PRKACB: variants seen among roughly 807,000 people sequenced by gnomAD.
PRKACB encodes cAMP-dependent protein kinase catalytic subunit beta.
PRKACB carries 16 observed loss-of-function variants against 51.4 expected under a neutral mutation model. The ratio of observed to expected loss-of-function variants is 0.31; its 90% confidence interval spans 0.21 to 0.47. The LOEUF is 0.47. Among genes scored for constraint, PRKACB ranks in the 20% least tolerant of loss-of-function variants. The pLI is 1.00. For synonymous variants in PRKACB, 147 were observed against 154.4 expected, an observed-to-expected ratio of 0.95 and a Z score of 0.35; for missense variants, 309 against 464.5, an observed-to-expected ratio of 0.67 and a Z score of 3.08.
At chr1:84,225,966 CCTT>C (rs1325968269) in intron 9 of PRKACB, among the ~76,000 whole-genome samples, 1 of 152,170 alleles carries the variant, frequency 6.6e-6, no homozygotes, top group African/African-American at 2.4e-5. Flanking sequence ...CTGTTTTGGT[CCTT>C]CTTTGTGGAG....
chr1:84,187,181 G>A (rs1317930290), intron 5 of PRKACB, among the ~76,000 whole-genome samples: 3 of 152,054 alleles, frequency 2.0e-5, no homozygotes, highest in African/African-American at 7.2e-5. Context: ...CTTTGCAAGA[G>A]GGACCACCAG....
Position 84,236,476 on chromosome 1 carries a change from T to C in PRKACB, c.*1171T>C, listed in dbSNP as rs2101739866. ...GCAACTTCTGCTTTCATCCCATGCC[T>C]CATCAATGAGGAAAGGGAACAAAGT... On this transcript the variant is annotated 3_prime_UTR_variant, in exon 10 of 10. Transcript: ENST00000370685. The C allele has an allele frequency of 6.5e-6, 1 of 152,756 alleles. No individual in the cohort carries two copies. The highest frequency in any genetic ancestry group is 2.1e-4 in the South Asian group (1 of 4,826). 9.5% of individuals were successfully genotyped at this position (152,756 alleles called of 1,614,324 possible).
At chr1:84,135,311 C>G (rs747092120) in intron 1 of PRKACB, among the ~76,000 whole-genome samples, 19 of 152,088 alleles carry the variant, frequency 1.2e-4, no homozygotes, top group Non-Finnish European at 2.6e-4. Context: ...TGAAAAACAG[C>G]CAACTCCACT....
At chr1:84,211,978 A>T (rs886315756) in intron 8 of PRKACB, among the ~76,000 whole-genome samples, 2 of 152,196 alleles carry the variant, frequency 1.3e-5, no homozygotes, top group African/African-American at 2.4e-5. Context: ...AATTTATATG[A>T]GTTGAGCCTA....
chr1:84,201,365 C>T (rs1475318042), intron 7 of PRKACB, among the ~76,000 whole-genome samples: 1 of 151,704 alleles, frequency 6.6e-6, no homozygotes, highest in African/African-American at 2.4e-5. Context: ...ATTTCCTTGG[C>T]CCATTTATCT....
At chr1:84,126,359 G>T (rs183950248) in intron 1 of PRKACB, among the ~76,000 whole-genome samples, 2 of 152,130 alleles carry the variant, frequency 1.3e-5, no homozygotes, top group Non-Finnish European at 2.9e-5. Flanking sequence ...GCTGGAAAGC[G>T]GATGGAGTGG....
At chr1:84,166,492 G>A (rs1305016510) in intron 1 of PRKACB, among the ~76,000 whole-genome samples, 1 of 151,630 alleles carries the variant, frequency 6.6e-6, no homozygotes, top group Non-Finnish European at 1.5e-5. Context: ...ATTGTAGATA[G>A]CATTTGATAT....
intron 9 of PRKACB, 136 bp downstream of exon 9, chr1:84,214,453 C>T: frequency 1.3e-6 from 1 of 798,770 alleles, no homozygotes; most frequent in Non-Finnish European, 1.8e-6. Flanking sequence ...ATCTAAAGTA[C>T]TTTACAGCCC....
intron 1 of PRKACB, among the ~76,000 whole-genome samples, chr1:84,154,449 G>C (rs1407067186): frequency 6.6e-6 from 1 of 152,002 alleles, no homozygotes; most frequent in Non-Finnish European, 1.5e-5. Context: ...ATAAAACCTA[G>C]TAGTATTTCA....
At chr1:84,130,597 AT>A (rs1407324926) in intron 1 of PRKACB, among the ~76,000 whole-genome samples, 1 of 152,222 alleles carries the variant, frequency 6.6e-6, no homozygotes, top group Non-Finnish European at 1.5e-5. Context: ...TGCTGCAGAA[AT>A]TTCTAAAAAA....
At chr1:84,170,012 C>G (rs2100799658) in intron 1 of PRKACB, among the ~76,000 whole-genome samples, 1 of 151,716 alleles carries the variant, frequency 6.6e-6, no homozygotes, top group East Asian at 1.9e-4. Context: ...TAAACTGTAA[C>G]AAGTGCCCCT....
intron 9 of PRKACB, among the ~76,000 whole-genome samples, chr1:84,217,837 G>A (rs1336563351): frequency 2.0e-5 from 3 of 151,932 alleles, no homozygotes; most frequent in East Asian, 1.9e-4. Flanking sequence ...TGTATCTATC[G>A]AACTTCTATT....
intron 1 of PRKACB, chr1:84,174,897 C>A: frequency 1.3e-6 from 1 of 796,976 alleles, no homozygotes; most frequent in East Asian, 4.0e-5. Flanking sequence ...TGAATACATA[C>A]AATCAAATAA....
chr1:84,219,339 C>G (rs1427363939), intron 9 of PRKACB, among the ~76,000 whole-genome samples: 1 of 151,858 alleles, frequency 6.6e-6, no homozygotes, highest in Non-Finnish European at 1.5e-5. Flanking sequence ...ATTCTTCTGC[C>G]TCAGCCTCCT....
intron 1 of PRKACB, among the ~76,000 whole-genome samples, chr1:84,099,836 A>G (rs1481899961): frequency 6.6e-6 from 1 of 152,190 alleles, no homozygotes; most frequent in Non-Finnish European, 1.5e-5. Flanking sequence ...TACCGAGAAG[A>G]TGCTCAATAA....
intron 8 of PRKACB, among the ~76,000 whole-genome samples, chr1:84,204,176 G>A (rs551870746): frequency 3.8e-4 from 58 of 151,966 alleles, no homozygotes; most frequent in Middle Eastern, 6.8e-3. Flanking sequence ...CTCTACCTGG[G>A]TCATGAGATT....
At chr1:84,173,533 A>C (rs890334450) in intron 1 of PRKACB, among the ~76,000 whole-genome samples, 2 of 151,692 alleles carry the variant, frequency 1.3e-5, no homozygotes, top group African/African-American at 2.4e-5. Context: ...AGAAATACCA[A>C]ATAAAGCTCT....
intron 9 of PRKACB, among the ~76,000 whole-genome samples, chr1:84,232,218 T>A (rs1675811657): frequency 6.6e-6 from 1 of 152,072 alleles, no homozygotes; most frequent in African/African-American, 2.4e-5. Flanking sequence ...AGTTTCCATG[T>A]AGTTGAGCGG....
chr1:84,143,763 A>G (rs1287051528), upstream of PRKACB, among the ~76,000 whole-genome samples: 2 of 152,194 alleles, frequency 1.3e-5, no homozygotes, highest in African/African-American at 4.8e-5. Context: ...AAATCAATGA[A>G]TTAGAAACAT....
Sources: gnomAD v4.1 joint callset for allele counts (sites outside exome capture counted in the v4.1 genomes callset) on GRCh38, gnomAD v4.1.1 for gene constraint, MANE v1.5 for transcripts, NCBI Gene and HGNC (gene_info 2026-07-23, HGNC 2026-07-21) for gene names.